The following TMEM132B variants were observed in gnomAD, a reference collection of about 807,000 sequenced individuals.
TMEM132B encodes transmembrane protein 132B.
In TMEM132B, 18 loss-of-function variants were observed where a neutral mutation model predicts 90.8. The observed-to-expected ratio is 0.20, with a 90% CI of 0.14 to 0.29. TMEM132B has a LOEUF of 0.29. TMEM132B is among the 10% of genes least tolerant of loss of function. TMEM132B has a pLI of 1.00. For synonymous variants in TMEM132B, 504 were observed against 523.3 expected (o/e 0.96, Z 0.50); for missense variants, 1,096 against 1,326.8 (o/e 0.83, Z 2.70).
At chr12:125,421,357 A>G (rs1880161008) in intron 3 of TMEM132B, among the ~76,000 whole-genome samples, 1 of 152,222 alleles carries the variant, frequency 6.6e-6, no homozygotes, top group Non-Finnish European at 1.5e-5. Context: ...AGACCTCACA[A>G]TCATGGCTGA....
chr12:125,537,057 A>G (rs1190780159), intron 4 of TMEM132B, among the ~76,000 whole-genome samples: 1 of 152,304 alleles, frequency 6.6e-6, no homozygotes, highest in Non-Finnish European at 1.5e-5. Flanking sequence ...TTAATGGGAT[A>G]TATGTCCAGC....
chr12:125,590,282 C>T (rs1311235621), intron 5 of TMEM132B, among the ~76,000 whole-genome samples: 1 of 152,172 alleles, frequency 6.6e-6, no homozygotes, highest in African/African-American at 2.4e-5. Flanking sequence ...TGAATGTTAA[C>T]TGCTACTTGA....
intron 1 of TMEM132B, among the ~76,000 whole-genome samples, chr12:125,269,913 G>A (rs1444815141): frequency 6.6e-6 from 1 of 151,872 alleles, no homozygotes; most frequent in African/African-American, 2.4e-5. Flanking sequence ...TCCCAGATGT[G>A]CCTCCCACAT....
At chr12:125,290,002 TAAATC>T (rs1473163856) in intron 1 of TMEM132B, among the ~76,000 whole-genome samples, 1 of 152,194 alleles carries the variant, frequency 6.6e-6, no homozygotes, top group African/African-American at 2.4e-5. Context: ...ATGTCCCCCT[TAAATC>T]AAAGATATAC....
chr12:125,524,473 C>A (rs1357249952), intron 4 of TMEM132B, among the ~76,000 whole-genome samples: 1 of 152,162 alleles, frequency 6.6e-6, no homozygotes. Context: ...AATTTGAACT[C>A]CAGTTACTAG....
At chr12:125,481,477 A>G (rs1396363895) in intron 3 of TMEM132B, among the ~76,000 whole-genome samples, 4 of 152,222 alleles carry the variant, frequency 2.6e-5, no homozygotes, top group Non-Finnish European at 4.4e-5. Flanking sequence ...CAGAGAGCCA[A>G]ATCATGAGTG....
chr12:125,415,658 C>T lies in TMEM132B; in HGVS notation c.1087C>T (p.Arg363Cys), dbSNP rs372738030. 47 of 1,614,000 alleles carry T rather than the reference C, an allele frequency of 2.9e-5. No individual in the cohort carries two copies. The highest frequency in any genetic ancestry group is 1.0e-4 in the Admixed American group (6 of 60,000). ...TSATLTCMGH[R>C]PDTQSRVNGS... ...GGCCACCCTCACCTGCATGGGCCAT[C>T]GCCCGGACACGCAGAGCAGGTAAGC... The change falls in exon 3 of 9, where the codon CGC becomes TGC. Residue 363 changes from arginine (R) to cysteine (C), a missense_variant. Arg to Cys is a radical substitution (Grantham distance 180). Coordinates refer to ENST00000682704, the MANE Select transcript of TMEM132B (RefSeq NM_001366854.1). This position sits in a 1 kb window ranked among gnomAD's most constrained non-coding sequence, Gnocchi z 5.3.
chr12:125,207,668 C>T (rs946239162), intron 1 of TMEM132B, among the ~76,000 whole-genome samples: 2 of 152,166 alleles, frequency 1.3e-5, no homozygotes, highest in Non-Finnish European at 2.9e-5. Flanking sequence ...CAACCATCGC[C>T]GCCATCCATC....
intron 1 of TMEM132B, among the ~76,000 whole-genome samples, chr12:125,192,021 G>A (rs972319877): frequency 1.3e-5 from 2 of 152,220 alleles, no homozygotes; most frequent in Non-Finnish European, 2.9e-5. Context: ...AGGAAGGGCT[G>A]ATTGGGGACA....
At chr12:125,556,141 C>T (rs916854394) in intron 4 of TMEM132B, among the ~76,000 whole-genome samples, 2 of 152,196 alleles carry the variant, frequency 1.3e-5, no homozygotes, top group African/African-American at 2.4e-5. Flanking sequence ...TCATGTCTTA[C>T]AGTGTTTTCC....
At chr12:125,353,593 A>G (rs1001311877) in intron 2 of TMEM132B, among the ~76,000 whole-genome samples, 15 of 152,244 alleles carry the variant, frequency 9.9e-5, no homozygotes, top group African/African-American at 3.4e-4. Context: ...CAGACAACTG[A>G]AAGAGGCAAG....
chr12:125,326,647 G>A (rs185522303), intron 1 of TMEM132B: 99 of 1,608,088 alleles, frequency 6.2e-5, no homozygotes, highest in Admixed American at 2.4e-4. Flanking sequence ...CATCCAGAAT[G>A]GACACCACTG....
At position 125,575,057 on chromosome 12, in the gene TMEM132B, CAT is replaced by C. The variant is rs147688714; in HGVS notation, c.1294-8769_1294-8768del. On this transcript the variant is annotated intron_variant, in intron 4 of 8. Transcript: ENST00000682704. ...ATGAAATCCCAAACCTATTAGCTGT[CAT>C]ATATATATATATATATATATATATT... 1.9e-3 allele frequency among the ~76,000 whole-genome samples: 84 copies of C among 43,858 alleles called. 16 individuals are homozygous for C. The highest frequency in any genetic ancestry group is 4.0e-3 in the East Asian group (7 of 1,766). The allele number at this position is 43,858 out of a possible 152,430, so 28.8% of individuals were successfully genotyped here.
At position 125,467,432 on chromosome 12, in the gene TMEM132B, T is replaced by C. The variant is rs550701520; in HGVS notation, c.1106+51755T>C. On this transcript the variant is annotated intron_variant, in intron 3 of 8. Coordinates refer to ENST00000682704, the MANE Select transcript of TMEM132B (RefSeq NM_001366854.1). Reference sequence around the variant, plus strand: ...CTCTTCCTCACTTTTCCCCTTCTCCTCCCCCACCCTCTTCTTCTTCTCCTT... The same window carrying C: ...CTCTTCCTCACTTTTCCCCTTCTCCCCCCCCACCCTCTTCTTCTTCTCCTT... Among the ~76,000 whole-genome samples the C allele has an allele frequency of 9.9e-5, 15 of 151,832 alleles. No homozygotes were observed. The East Asian group carries it at 2.7e-3, about 27-fold the overall frequency.
intron 1 of TMEM132B, among the ~76,000 whole-genome samples, chr12:125,196,790 G>C (rs1872934795): frequency 6.6e-6 from 1 of 152,092 alleles, no homozygotes; most frequent in African/African-American, 2.4e-5. Flanking sequence ...CTGGCACATA[G>C]TAAGTGCTCA....
At chr12:125,368,112 A>G (rs325101) in intron 2 of TMEM132B, among the ~76,000 whole-genome samples, 96,240 of 152,024 alleles carry the variant, frequency 0.63, 31,265 homozygotes, top group East Asian at 0.94. Flanking sequence ...TTACTTTACC[A>G]CAGTATAGTC....
At chr12:125,335,442 TAAG>T (rs941202043) in intron 1 of TMEM132B, among the ~76,000 whole-genome samples, 3 of 152,174 alleles carry the variant, frequency 2.0e-5, no homozygotes, top group African/African-American at 7.2e-5. Context: ...GCTGAGCCAA[TAAG>T]AACAGGCATC....
At chr12:125,262,541 G>T (rs965231394) in intron 1 of TMEM132B, among the ~76,000 whole-genome samples, 1 of 152,220 alleles carries the variant, frequency 6.6e-6, no homozygotes, top group African/African-American at 2.4e-5. Flanking sequence ...TTTAGTTAAG[G>T]CGTGGGCTTG....
chr12:125,262,994 T>A (rs1874603034), intron 1 of TMEM132B, among the ~76,000 whole-genome samples: 2 of 152,234 alleles, frequency 1.3e-5, no homozygotes, highest in South Asian at 4.1e-4. Context: ...GATTGGAGTC[T>A]GTTTCATCCT....
Sources: gnomAD v4.1 joint callset for allele counts (sites outside exome capture counted in the v4.1 genomes callset) on GRCh38, gnomAD v4.1.1 for gene constraint, Gnocchi (gnomAD v3.1) non-coding constraint, MANE v1.5 for transcripts, NCBI Gene and HGNC (gene_info 2026-07-23, HGNC 2026-07-21) for gene names.